Variants in ARHGAP31 observed in about 807,000 individuals in gnomAD.
ARHGAP31 encodes Rho GTPase activating protein 31, also known as rho GTPase-activating protein 31.
Under a neutral mutation model 113.9 loss-of-function variants are expected in ARHGAP31, and 34 were observed. The ratio of observed to expected loss-of-function variants is 0.30; its 90% CI spans 0.23 to 0.40. The LOEUF (loss-of-function observed/expected upper bound fraction) is 0.40. ARHGAP31 is among the 10% of genes least tolerant of loss of function. The probability of loss-of-function intolerance (pLI) is 1.00; values close to 1 mark genes in which losing one functional copy is unlikely to be tolerated. For synonymous variants in ARHGAP31, 650 were observed against 684.8 expected (o/e 0.95, Z 0.79); for missense variants, 1,548 against 1,767.1 (o/e 0.88, Z 2.22).
chr3:119,297,622 G>A (rs1252233872), intron 1 of ARHGAP31, among the ~76,000 whole-genome samples: 1 of 152,204 alleles, frequency 6.6e-6, no homozygotes, highest in Middle Eastern at 3.2e-3. Flanking sequence ...GAGTTGGAGT[G>A]GAGGACAAAG....
In ARHGAP31 at chr3:119,390,510, T is replaced by C. The variant is rs115504675; in HGVS notation, c.683-275T>C. ...GTTCAATAAATGTTTGTTATAGGAA[T>C]GAATGAATGGATGAGTGAGTGGTCC... On this transcript the variant is annotated intron_variant, in intron 6 of 11. Coordinates refer to ENST00000264245, the MANE Select transcript of ARHGAP31 (RefSeq NM_020754.4). Among the ~76,000 whole-genome samples the C allele has an allele frequency of 4.9e-3, 753 of 152,310 alleles. 7 individuals are homozygous for C. The highest frequency in any genetic ancestry group is 0.017 in the African/African-American group (725 of 41,560).
intron 3 of ARHGAP31, among the ~76,000 whole-genome samples, chr3:119,375,681 T>C (rs931617431): frequency 6.6e-6 from 1 of 152,236 alleles, no homozygotes; most frequent in Non-Finnish European, 1.5e-5. Context: ...TCGGTCCAGC[T>C]AAAACTATTA....
intron 1 of ARHGAP31, among the ~76,000 whole-genome samples, chr3:119,304,962 A>T (rs2079618615): frequency 6.6e-6 from 1 of 152,188 alleles, no homozygotes; most frequent in African/African-American, 2.4e-5. Flanking sequence ...AAATGGTGCT[A>T]ACTGACCCTC....
intron 3 of ARHGAP31, among the ~76,000 whole-genome samples, chr3:119,370,907 A>T (rs2080292070): frequency 6.6e-6 from 1 of 152,138 alleles, no homozygotes; most frequent in Non-Finnish European, 1.5e-5. Context: ...TCTTGTTTAA[A>T]ATTTTGTCAC....
intron 1 of ARHGAP31, among the ~76,000 whole-genome samples, chr3:119,329,292 C>T (rs1419656791): frequency 1.3e-5 from 2 of 152,176 alleles, no homozygotes; most frequent in Non-Finnish European, 2.9e-5. Context: ...ATCAATATAG[C>T]CTGCATCAAG....
chr3:119,363,398 A>T (rs2080227318), intron 1 of ARHGAP31, among the ~76,000 whole-genome samples: 1 of 151,948 alleles, frequency 6.6e-6, no homozygotes, highest in Admixed American at 6.6e-5. Flanking sequence ...AGCACCCCCC[A>T]TCACACCCTA....
chr3:119,337,352 C>G (rs547550812), intron 1 of ARHGAP31, among the ~76,000 whole-genome samples: 5 of 152,244 alleles, frequency 3.3e-5, no homozygotes, highest in Middle Eastern at 6.8e-3. Flanking sequence ...TTCTTTCCTC[C>G]CGGTGGCTTC....
At chr3:119,337,215 T>C (rs1318039915) in intron 1 of ARHGAP31, among the ~76,000 whole-genome samples, 1 of 152,182 alleles carries the variant, frequency 6.6e-6, no homozygotes, top group Non-Finnish European at 1.5e-5. Flanking sequence ...GTTTGTTCCT[T>C]CTGATGTTCG....
At chr3:119,314,432 C>T (rs1350570352) in intron 1 of ARHGAP31, 2 of 152,264 alleles carry the variant, frequency 1.3e-5, no homozygotes, top group Non-Finnish European at 2.9e-5. Flanking sequence ...TGGGTCATCT[C>T]TGTGAGACTC....
At chr3:119,411,501 C>T in intron 11 of ARHGAP31, among the ~76,000 whole-genome samples, 1 of 152,130 alleles carries the variant, frequency 6.6e-6, no homozygotes, top group East Asian at 1.9e-4. Context: ...CAAAGAGATG[C>T]ACTGTGGGTC....
At chr3:119,356,642 G>A (rs1164863414) in intron 1 of ARHGAP31, among the ~76,000 whole-genome samples, 26 of 147,280 alleles carry the variant, frequency 1.8e-4, no homozygotes, top group African/African-American at 5.8e-4. Flanking sequence ...AAAAAAAAAA[G>A]AAAAAAAAAG....
Position 119,365,488 on chromosome 3 carries a change from G to A in ARHGAP31, c.203+70G>A. The A allele has an allele frequency of 2.2e-6, 3 of 1,358,490 alleles. No homozygotes were observed. The South Asian group carries it at 3.6e-5, about 16-fold the overall frequency. The allele number at this position is 1,358,490 out of a possible 1,614,324, so 84.2% of individuals were successfully genotyped here. Reference sequence around the variant, plus strand: ...CCTGTGTCCATGCCTCTGTCCATCGGTGTCCAGAGTATTAAAAACCCAAAG... The same window carrying A: ...CCTGTGTCCATGCCTCTGTCCATCGATGTCCAGAGTATTAAAAACCCAAAG... On this transcript the variant is annotated intron_variant, in intron 2 of 11. Transcript: ENST00000264245.
intron 1 of ARHGAP31, among the ~76,000 whole-genome samples, chr3:119,347,469 G>A (rs1259455907): frequency 6.6e-6 from 1 of 152,198 alleles, no homozygotes; most frequent in Non-Finnish European, 1.5e-5. Context: ...CAGAGGAGGT[G>A]ACCAGGAGAT....
intron 1 of ARHGAP31, among the ~76,000 whole-genome samples, chr3:119,359,311 G>T (rs1477421293): frequency 6.6e-6 from 1 of 152,062 alleles, no homozygotes; most frequent in South Asian, 2.1e-4. Flanking sequence ...CTGAGCCACT[G>T]TGACTGGCCT....
chr3:119,396,191 TG>T (rs2107637874), intron 8 of ARHGAP31, among the ~76,000 whole-genome samples: 1 of 152,350 alleles, frequency 6.6e-6, no homozygotes, highest in African/African-American at 2.4e-5. Flanking sequence ...GATCAAATGT[TG>T]GTAAACTCAC....
Position 119,387,584 on chromosome 3 carries a change from A to T in ARHGAP31, c.683-3201A>T, listed in dbSNP as rs535402675. Among the ~76,000 whole-genome samples, 4 of 152,296 alleles carry T rather than the reference A, an allele frequency of 2.6e-5. No individual in the cohort carries two copies. The South Asian group carries it at 8.3e-4, about 32-fold the overall frequency. ...ATTTTAACATATGAATTTTGAGGGG[A>T]CAGAAACATTCACAGCATAGCAGAA... On this transcript the variant is annotated intron_variant, in intron 6 of 11. Coordinates refer to ENST00000264245, the MANE Select transcript of ARHGAP31 (RefSeq NM_020754.4).
intron 1 of ARHGAP31, among the ~76,000 whole-genome samples, chr3:119,342,702 C>T (rs543197479): frequency 1.1e-4 from 16 of 152,320 alleles, no homozygotes; most frequent in South Asian, 4.1e-4. Context: ...GTATTCCCAG[C>T]GCTTGGGGAG....
In ARHGAP31 at chr3:119,414,712, A is replaced by G; in HGVS notation, c.2783A>G (p.Lys928Arg). 1 of 1,614,180 alleles carries G rather than the reference A, an allele frequency of 6.2e-7. No homozygotes were observed. The highest frequency in any genetic ancestry group is 8.5e-7 in the Non-Finnish European group (1 of 1,180,024). Residue 928 changes from lysine to arginine, a missense_variant, in exon 12 of 12, where the codon AAG becomes AGG. Transcript: ENST00000264245. ...LHSPTLKDAH[K>R]AQVQGLQGHQ... is the part of the protein sequence containing the mutation. Reference sequence around the variant, plus strand: ...TCTCCCACCCTGAAAGACGCGCACAAGGCCCAGGTACAGGGCCTTCAGGGT... The same window carrying G: ...TCTCCCACCCTGAAAGACGCGCACAGGGCCCAGGTACAGGGCCTTCAGGGT...
At chr3:119,410,109 T>TCATA (rs2080703015) in intron 11 of ARHGAP31, among the ~76,000 whole-genome samples, 1 of 152,182 alleles carries the variant, frequency 6.6e-6, no homozygotes, top group Admixed American at 6.5e-5. Flanking sequence ...GACCTGCTTG[T>TCATA]CATACCCCAG....
Sources: gnomAD v4.1 joint callset for allele counts (sites outside exome capture counted in the v4.1 genomes callset) on GRCh38, gnomAD v4.1.1 for gene constraint, MANE v1.5 for transcripts, NCBI Gene and HGNC (gene_info 2026-07-23, HGNC 2026-07-21) for gene names.